CARMIL1: variants seen among roughly 807,000 people sequenced by gnomAD.
The protein encoded by CARMIL1 is capping protein regulator and myosin 1 linker 1, also known as F-actin-uncapping protein LRRC16A.
Under a neutral mutation model 177.1 loss-of-function variants are expected in CARMIL1, and 90 were observed. The ratio of observed to expected loss-of-function variants is 0.51; its 90% CI spans 0.43 to 0.61. The LOEUF (loss-of-function observed/expected upper bound fraction) is 0.61, where lower values mean the gene tolerates loss of function less well. CARMIL1 is among the 20% of genes least tolerant of loss of function. The probability of loss-of-function intolerance (pLI) is 0.00; values close to 1 mark genes in which losing one functional copy is unlikely to be tolerated. For missense variants in CARMIL1, 1,380 were observed against 1,667.0 expected (o/e 0.83, Z 3.00); for synonymous variants, 577 against 606.2 (o/e 0.95, Z 0.71).
intron 24 of CARMIL1, among the ~76,000 whole-genome samples, chr6:25,534,432 G>A (rs1053932092): frequency 3.3e-5 from 5 of 151,864 alleles, no homozygotes; most frequent in Admixed American, 6.6e-5. Flanking sequence ...ATAGTGTCTG[G>A]ATGTACCACT....
chr6:25,451,986 G>GCA, intron 8 of CARMIL1: 4 of 112,670 alleles, frequency 3.6e-5, no homozygotes, highest in African/African-American at 7.3e-5. Flanking sequence ...CTAGCATCTT[G>GCA]CCCCCCCCTC....
Position 25,510,742 on chromosome 6 carries a change from A to G in CARMIL1, c.1612A>G (p.Met538Val). 6.5e-7 allele frequency: 1 copy of G among 1,541,976 alleles called. No individual in the cohort carries two copies. The highest frequency in any genetic ancestry group is 2.4e-5 in the East Asian group (1 of 41,372). ...ACCTGTATTGGACAACTTAGTACAG[A>G]TGATTCAAGATGAAGAATCAGTGAG... is the stretch of plus-strand genomic sequence containing the variant. ...LTPVLDNLVQ[M>V]IQDEESPLQS... Residue 538 changes from methionine to valine, a missense_variant, in exon 20 of 37, where the codon ATG becomes GTG. Coordinates refer to ENST00000329474, the MANE Select transcript of CARMIL1 (RefSeq NM_017640.6).
intron 11 of CARMIL1, among the ~76,000 whole-genome samples, chr6:25,475,777 C>T (rs369758320): frequency 5.3e-5 from 8 of 152,160 alleles, no homozygotes; most frequent in African/African-American, 1.7e-4. Context: ...TTTTCTCTCC[C>T]GTTGTCCGCT....
At chr6:25,322,411 C>G (rs1177457846) in intron 2 of CARMIL1, among the ~76,000 whole-genome samples, 2 of 152,244 alleles carry the variant, frequency 1.3e-5, no homozygotes, top group Non-Finnish European at 1.5e-5. Context: ...GCCTGAGACA[C>G]TATGCCCAGC....
chr6:25,395,556 G>A (rs1453803106), intron 2 of CARMIL1, among the ~76,000 whole-genome samples: 1 of 152,208 alleles, frequency 6.6e-6, no homozygotes, highest in African/African-American at 2.4e-5. Flanking sequence ...GATAATGACC[G>A]TTTTGTTTTC....
chr6:25,344,656 T>C (rs905297658), intron 2 of CARMIL1, among the ~76,000 whole-genome samples: 2 of 152,150 alleles, frequency 1.3e-5, no homozygotes, highest in South Asian at 2.1e-4. Flanking sequence ...TACTTGCTGT[T>C]CAAACATCCA....
At chr6:25,534,450 T>A (rs1808088716) in intron 24 of CARMIL1, among the ~76,000 whole-genome samples, 1 of 152,064 alleles carries the variant, frequency 6.6e-6, no homozygotes, top group Non-Finnish European at 1.5e-5. Flanking sequence ...ACTGCTTGGG[T>A]TTGTTCTTTT....
chr6:25,371,734 T>C (rs1277946453), intron 2 of CARMIL1, among the ~76,000 whole-genome samples: 6 of 152,260 alleles, frequency 3.9e-5, no homozygotes, highest in Admixed American at 3.3e-4. Flanking sequence ...CTGATGGTGA[T>C]TTGCTGTGCA....
At chr6:25,552,782 G>A (rs551841555) in intron 27 of CARMIL1, among the ~76,000 whole-genome samples, 8 of 152,220 alleles carry the variant, frequency 5.3e-5, no homozygotes, top group Admixed American at 5.2e-4. Flanking sequence ...AGAAACTATT[G>A]AACCTATAGT....
chr6:25,562,924 A>AT (rs912570290), intron 29 of CARMIL1, among the ~76,000 whole-genome samples: 1 of 152,218 alleles, frequency 6.6e-6, no homozygotes, highest in African/African-American at 2.4e-5. Context: ...ATAAAAGGTA[A>AT]TTTTGTAATC....
At chr6:25,340,193 A>G (rs569103127) in intron 2 of CARMIL1, among the ~76,000 whole-genome samples, 5 of 152,306 alleles carry the variant, frequency 3.3e-5, no homozygotes, top group East Asian at 1.9e-4. Flanking sequence ...CTTCTCCCCA[A>G]TTAACCCAGT....
chr6:25,551,121 G>C, intron 27 of CARMIL1, 36 bp downstream of exon 27: 1 of 1,552,474 alleles, frequency 6.4e-7, no homozygotes. Context: ...AGGAGCTGCA[G>C]TTTCTGTAAA....
chr6:25,463,326 A>G (rs1291906169), intron 8 of CARMIL1, among the ~76,000 whole-genome samples: 2 of 152,168 alleles, frequency 1.3e-5, no homozygotes, highest in East Asian at 3.8e-4. Flanking sequence ...TATCACACAG[A>G]TGTTCACTTT....
chr6:25,329,849 G>T (rs1785447086), intron 2 of CARMIL1, among the ~76,000 whole-genome samples: 1 of 152,206 alleles, frequency 6.6e-6, no homozygotes. Context: ...TTGTTCAGGG[G>T]ATTCAGCATA....
At chr6:25,611,362 G>T (rs181877861) in intron 36 of CARMIL1, among the ~76,000 whole-genome samples, 2 of 152,282 alleles carry the variant, frequency 1.3e-5, no homozygotes, top group Admixed American at 6.5e-5. Context: ...TAAATACAGG[G>T]TTCAGCATTA....
chr6:25,496,528 T>C (rs984012087), intron 16 of CARMIL1, among the ~76,000 whole-genome samples: 2 of 149,256 alleles, frequency 1.3e-5, no homozygotes, highest in Non-Finnish European at 3.0e-5. Context: ...AAAAGTCTGA[T>C]GTTATATTAT....
At chr6:25,575,305 T>A (rs1188718692) in intron 29 of CARMIL1, among the ~76,000 whole-genome samples, 1 of 152,242 alleles carries the variant, frequency 6.6e-6, no homozygotes, top group Non-Finnish European at 1.5e-5. Context: ...AGTTGAAATG[T>A]CTGTTGCCAC....
At chr6:25,528,687 T>G (rs756743078) in intron 23 of CARMIL1, 108 bp from the exon 24 acceptor site, 1 of 787,088 alleles carries the variant, frequency 1.3e-6, no homozygotes, top group Non-Finnish European at 2.2e-6. Flanking sequence ...GCAGGATGTG[T>G]ATATTCACGC....
intron 2 of CARMIL1, among the ~76,000 whole-genome samples, chr6:25,301,713 T>C (rs973868619): frequency 5.3e-5 from 8 of 152,202 alleles, no homozygotes; most frequent in Non-Finnish European, 1.0e-4. Context: ...CCTCTGCCTC[T>C]TTATTTAAAA....
Sources: gnomAD v4.1 joint callset for allele counts (sites outside exome capture counted in the v4.1 genomes callset) on GRCh38, gnomAD v4.1.1 for gene constraint, MANE v1.5 for transcripts, NCBI Gene and HGNC (gene_info 2026-07-23, HGNC 2026-07-21) for gene names.